The following MCMDC2 variants were observed in gnomAD, a reference collection of about 807,000 sequenced individuals.
MCMDC2 encodes minichromosome maintenance domain-containing protein 2.
In MCMDC2, 54 loss-of-function variants were observed where a neutral mutation model predicts 75.8. The observed-to-expected ratio is 0.71, with a 90% confidence interval of 0.57 to 0.89. MCMDC2 has a LOEUF of 0.89. Ranked by LOEUF, MCMDC2 falls within the 40% of genes least tolerant of loss-of-function variation. The probability of loss-of-function intolerance (pLI) is 0.00; values close to 1 mark genes in which losing one functional copy is unlikely to be tolerated. For missense variants in MCMDC2, 656 were observed against 780.4 expected (o/e 0.84, Z 1.90); for synonymous variants, 249 against 274.6 (o/e 0.91, Z 0.92).
intron 9 of MCMDC2, among the ~76,000 whole-genome samples, chr8:66,884,925 C>T (rs953081553): frequency 2.0e-5 from 3 of 152,026 alleles, no homozygotes; most frequent in African/African-American, 4.8e-5. Context: ...TAGAGGCGCA[C>T]GCCACTACAC....
chr8:66,880,572 T>G (rs1447483448), intron 7 of MCMDC2, among the ~76,000 whole-genome samples: 1 of 152,252 alleles, frequency 6.6e-6, no homozygotes, highest in African/African-American at 2.4e-5. Context: ...TAATTTTATT[T>G]TCTTTTGACC....
At chr8:66,890,200 G>A (rs1812037827) in intron 9 of MCMDC2, among the ~76,000 whole-genome samples, 1 of 152,274 alleles carries the variant, frequency 6.6e-6, no homozygotes, top group Non-Finnish European at 1.5e-5. Flanking sequence ...CCAGTAGCTG[G>A]GGTTACAGGC....
At chr8:66,898,624 C>CAA (rs1405645692) in intron 12 of MCMDC2, among the ~76,000 whole-genome samples, 669 of 58,534 alleles carry the variant, frequency 0.011, 9 homozygotes, top group African/African-American at 0.031. Flanking sequence ...AACTCCGTCT[C>CAA]AAAAAAAAAA....
Position 66,919,227 on chromosome 8 carries a change from T to C in MCMDC2, c.*58T>C, listed in dbSNP as rs935171600. 2 of 1,358,132 alleles carry C rather than the reference T, an allele frequency of 1.5e-6. No individual in the cohort carries two copies. Among genetic ancestry groups the C allele is most frequent in the Admixed American group, 2.5e-5 (1 of 40,034 alleles). The allele number at this position is 1,358,132 out of a possible 1,614,324, so 84.1% of individuals were successfully genotyped here. ...AAGCAGTGGAGAAAAAGTGTGACTA[T>C]TTTGAGAGTGACTTTGAAGTAATGC... On this transcript the variant is annotated 3_prime_UTR_variant, in exon 15 of 15. Transcript: ENST00000422365.
Position 66,880,904 on chromosome 8 carries a change from A to C in MCMDC2, c.765A>C (p.Pro255=). ...ATGAATATAAAATTATTGGAATTCC[A>C]ACCTGTGTAAAAACCTCACAAACTG... ...IGNEYKIIGI[P]TCVKTSQTAV... The change falls in exon 8 of 15, where the codon CCA becomes CCC. Residue 255 remains proline (P), a synonymous_variant. Coordinates refer to ENST00000422365, the MANE Select transcript of MCMDC2 (RefSeq NM_173518.5). 1 of 1,570,662 alleles carries C rather than the reference A, an allele frequency of 6.4e-7. No homozygotes were observed. The highest frequency in any genetic ancestry group is 1.2e-5 in the South Asian group (1 of 81,718).
At chr8:66,913,502 T>A (rs1276029448) in intron 14 of MCMDC2, among the ~76,000 whole-genome samples, 1 of 152,216 alleles carries the variant, frequency 6.6e-6, no homozygotes, top group African/African-American at 2.4e-5. Context: ...ATATGCCTCA[T>A]AATTATCACT....
At position 66,919,027 on chromosome 8, in the gene MCMDC2, C is replaced by T. The variant is rs983524055; in HGVS notation, c.1904C>T (p.Pro635Leu). The T allele has an allele frequency of 1.8e-5, 28 of 1,533,812 alleles. No individual in the cohort carries two copies. In the Admixed American group the frequency reaches 4.2e-4, roughly 23 times the overall value. The change falls in exon 15 of 15, where the codon CCG (proline) becomes CTG (leucine). Residue 635 changes from proline (P) to leucine (L), a missense_variant. Pro to Leu is a moderately conservative substitution (Grantham distance 98). Coordinates refer to ENST00000422365, the MANE Select transcript of MCMDC2 (RefSeq NM_173518.5). ...GGGGCCACTGTATTTTGTGTTGCTC[C>T]GAATGCAGTATTTCCATTTGAACTG... ...KYGATVFCVA[P>L]NAVFPFELYN...
intron 5 of MCMDC2, among the ~76,000 whole-genome samples, chr8:66,878,220 C>G (rs562782898): frequency 6.6e-6 from 1 of 152,152 alleles, no homozygotes; most frequent in African/African-American, 2.4e-5. Flanking sequence ...TGACCCTCCT[C>G]TCTTCTCTCT....
At chr8:66,925,930 G>A (rs570085837), downstream of MCMDC2, among the ~76,000 whole-genome samples, 8 of 152,266 alleles carry the variant, frequency 5.3e-5, no homozygotes, top group Admixed American at 5.2e-4. Context: ...AGGATCACCC[G>A]ATGTCAGGAG....
intron 9 of MCMDC2, 106 bp from the exon 10 acceptor site, chr8:66,890,759 T>TG: frequency 1.1e-6 from 1 of 905,160 alleles, no homozygotes; most frequent in East Asian, 2.7e-5. Flanking sequence ...GCACAATAGC[T>TG]GGTGTATCAC....
rs80098250 is a variant in MCMDC2 at position 66,871,729 on chromosome 8, A to G, written c.-89+898A>G. The stretch of plus-strand genomic sequence containing the variant: ...AGTTGGAGACCAGCCTGGGCAACAC[A>G]GTAAAACTCCGTCTCTACAAAAAAA... On this transcript the variant is annotated intron_variant, in intron 1 of 14. Transcript: ENST00000422365. Among the ~76,000 whole-genome samples the G allele has an allele frequency of 7.7e-3, 1,179 of 152,184 alleles. 18 individuals are homozygous for G. The highest frequency in any genetic ancestry group is 0.027 in the African/African-American group (1,129 of 41,518).
At position 66,919,064 on chromosome 8, in the gene MCMDC2, A is replaced by C; in HGVS notation, c.1941A>C (p.Glu647Asp). The C allele has an allele frequency of 6.4e-7, 1 of 1,550,658 alleles. No individual in the cohort carries two copies. Among genetic ancestry groups the C allele is most frequent in the Non-Finnish European group, 8.7e-7 (1 of 1,146,468 alleles). ...TTCCATTTGAACTGTATAATGAAGA[A>C]TACTTAGAGCAAAGGGATCTCTATC... The part of the protein sequence containing the change: ...AVFPFELYNE[E>D]YLEQRDLYLT... The change falls in exon 15 of 15, where the codon GAA (glutamate) becomes GAC (aspartate). Residue 647 changes from glutamate (E) to aspartate (D), a missense_variant. Transcript: ENST00000422365.
At chr8:66,891,201 A>G in intron 10 of MCMDC2, 131 bp downstream of exon 10, 1 of 853,172 alleles carries the variant, frequency 1.2e-6, no homozygotes, top group Non-Finnish European at 1.7e-6. Flanking sequence ...GGCATTTCTT[A>G]TTTTGGTTTT....
chr8:66,917,920 C>T (rs1381519568), intron 14 of MCMDC2, among the ~76,000 whole-genome samples: 1 of 152,106 alleles, frequency 6.6e-6, no homozygotes, highest in Non-Finnish European at 1.5e-5. Flanking sequence ...TGGGTATATA[C>T]CCAGAAGTGA....
intron 8 of MCMDC2, among the ~76,000 whole-genome samples, chr8:66,882,368 CTTTTTTTG>C (rs1444290149): frequency 6.6e-6 from 1 of 151,022 alleles, no homozygotes; most frequent in African/African-American, 2.4e-5. Flanking sequence ...CTTTTTTTTT[CTTTTTTTG>C]TTTTTTTGAG....
chr8:66,926,309 C>T (rs1813711454), downstream of MCMDC2: 1 of 152,182 alleles, frequency 6.6e-6, no homozygotes, highest in South Asian at 2.1e-4. Context: ...GATGCTGGAG[C>T]AGAAAGGCTT....
Position 66,919,356 on chromosome 8 carries a change from C to A in MCMDC2, c.*187C>A. ...CTAATGGGATAAATACTAATCCAAA[C>A]CTCTAAAACCAACAGAATTTTAAAA... is the stretch of plus-strand genomic sequence containing the variant. On this transcript the variant is annotated 3_prime_UTR_variant, in exon 15 of 15. Coordinates refer to ENST00000422365, the MANE Select transcript of MCMDC2 (RefSeq NM_173518.5). The A allele has an allele frequency of 2.5e-6, 1 of 393,290 alleles. No individual in the cohort carries two copies. The highest frequency in any genetic ancestry group is 4.4e-6 in the Non-Finnish European group (1 of 225,916). 24.4% of individuals were successfully genotyped at this position (393,290 alleles called of 1,614,324 possible).
chr8:66,875,761 A>G (rs1047658251), intron 4 of MCMDC2, among the ~76,000 whole-genome samples: 9 of 152,214 alleles, frequency 5.9e-5, no homozygotes, highest in Non-Finnish European at 1.2e-4. Context: ...TGGTTCTTAC[A>G]TCTCACTAAG....
chr8:66,897,436 G>C (rs1164499235), intron 12 of MCMDC2, among the ~76,000 whole-genome samples: 1 of 150,076 alleles, frequency 6.7e-6, no homozygotes, highest in Non-Finnish European at 1.5e-5. Flanking sequence ...AAAGAAAAAA[G>C]AAAGAAATTA....
Sources: gnomAD v4.1 joint callset for allele counts (sites outside exome capture counted in the v4.1 genomes callset) on GRCh38, gnomAD v4.1.1 for gene constraint, MANE v1.5 for transcripts, NCBI Gene and HGNC (gene_info 2026-07-23, HGNC 2026-07-21) for gene names.